The following UGT1A7 variants were observed in gnomAD, a reference collection of about 807,000 sequenced individuals.
UGT1A7 encodes UDP glucuronosyltransferase family 1 member A7.
A neutral mutation model predicts 45.6 loss-of-function variants in UGT1A7; 33 were observed. That is an observed-to-expected ratio of 0.72 (90% CI 0.55 to 0.97). The LOEUF is 0.97. UGT1A7 is among the 50% of genes least tolerant of loss of function. The pLI, the probability that UGT1A7 is intolerant of heterozygous loss-of-function variation, is 0.00. For missense variants in UGT1A7, 684 were observed against 666.2 expected (o/e 1.03, Z -0.29); for synonymous variants, 274 against 250.6 (o/e 1.09, Z -0.88).
At chr2:233,710,216 T>C (rs1250150176) in intron 1 of UGT1A7, among the ~76,000 whole-genome samples, 1 of 152,234 alleles carries the variant, frequency 6.6e-6, no homozygotes, top group Non-Finnish European at 1.5e-5. Flanking sequence ...CTATTATGAA[T>C]AAAGCTGCTA....
chr2:233,693,309 G>A (rs1394238379), intron 1 of UGT1A7: 4 of 1,614,038 alleles, frequency 2.5e-6, no homozygotes, highest in Middle Eastern at 1.6e-4. Flanking sequence ...TTTGCTGAGC[G>A]ATCATTCCTA....
At chr2:233,712,069 T>A (rs1263403804) in intron 1 of UGT1A7, among the ~76,000 whole-genome samples, 1 of 152,192 alleles carries the variant, frequency 6.6e-6, no homozygotes, top group Non-Finnish European at 1.5e-5. Flanking sequence ...ATCTTCAGGA[T>A]GAAATAAAGG....
rs1181278614 is a variant in UGT1A7 at position 233,682,018 on chromosome 2, G to C, written c.81G>C (p.Lys27Asn). ...LLTCGFAKAG[K>N]LLVVPMDGSH... ...CCTGTGGCTTTGCCAAGGCAGGGAA[G>C]CTGCTGGTAGTGCCCATGGATGGGA... The change falls in exon 1 of 5, where the codon AAG becomes AAC. Residue 27 changes from lysine to asparagine, a missense_variant. Lys to Asn is a moderately conservative substitution (Grantham distance 94). Transcript: ENST00000373426. 1.9e-6 allele frequency: 3 copies of C among 1,614,020 alleles called. No individual in the cohort carries two copies. Among genetic ancestry groups the C allele is most frequent in the East Asian group, 4.5e-5 (2 of 44,894 alleles).
rs534080873 is a variant in UGT1A7 at position 233,731,172 on chromosome 2, T to C, written c.856-35862T>C. Among the ~76,000 whole-genome samples, 21 of 152,344 alleles carry C rather than the reference T, an allele frequency of 1.4e-4. No individual in the cohort carries two copies. The South Asian group carries it at 3.1e-3, about 23-fold the overall frequency. The stretch of plus-strand genomic sequence containing the variant: ...CTTTTTGATCAAACGACATGATTTT[T>C]TTATGCAATGTAATTATTCAATTAT... On this transcript the variant is annotated intron_variant, in intron 1 of 4. Coordinates refer to ENST00000373426, the MANE Select transcript of UGT1A7 (RefSeq NM_019077.3).
intron 1 of UGT1A7, among the ~76,000 whole-genome samples, chr2:233,704,944 T>C (rs1231562726): frequency 6.6e-6 from 1 of 152,116 alleles, no homozygotes; most frequent in Non-Finnish European, 1.5e-5. Flanking sequence ...AAGACCAGCC[T>C]GGCCAACATG....
Position 233,712,979 on chromosome 2 carries a change from G to A in UGT1A7, c.855+30187G>A, listed in dbSNP as rs45540735. The A allele has an allele frequency of 3.7e-5, 59 of 1,613,170 alleles. 1 individual carries two copies. In the East Asian group the frequency reaches 7.8e-4, roughly 21 times the overall value. On this transcript the variant is annotated intron_variant, in intron 1 of 4. Transcript: ENST00000373426. Reference sequence around the variant, plus strand: ...GTGGGGTGGACAGTCAGCTGTCGGTGGCTTCTGCTGAGATGGCCACAGGAC... The same window carrying A: ...GTGGGGTGGACAGTCAGCTGTCGGTAGCTTCTGCTGAGATGGCCACAGGAC...
At position 233,724,532 on chromosome 2, in the gene UGT1A7, G is replaced by A. The variant is rs1443471428; in HGVS notation, c.855+41740G>A. On this transcript the variant is annotated intron_variant, in intron 1 of 4. Transcript: ENST00000373426. ...CTCACCTCCCAGATGGGGTCTCGCCGGGCAGAGGCGCTCCTCACATCCCAG... is the reference window on the plus strand; with the variant it reads ...CTCACCTCCCAGATGGGGTCTCGCCAGGCAGAGGCGCTCCTCACATCCCAG... Among the ~76,000 whole-genome samples the A allele has an allele frequency of 4.9e-5, 6 of 123,286 alleles. No individual in the cohort carries two copies. In the East Asian group the frequency reaches 7.5e-4, roughly 15 times the overall value. 80.9% of individuals were successfully genotyped at this position (123,286 alleles called of 152,430 possible). A position where few individuals can be genotyped will look rare whatever the true frequency, so the allele number is the denominator to read the frequency against.
intron 1 of UGT1A7, among the ~76,000 whole-genome samples, chr2:233,751,879 G>A (rs1331680632): frequency 6.6e-6 from 1 of 152,148 alleles, no homozygotes; most frequent in Non-Finnish European, 1.5e-5. Context: ...CCCGTCTTGG[G>A]TATGTCTTTA....
rs1171527500 is a variant in UGT1A7, at chr2:233,760,898, T to C, written c.856-6136T>C. 2 of 1,613,998 alleles carry C rather than the reference T, an allele frequency of 1.2e-6. No homozygotes were observed. Among genetic ancestry groups the C allele is most frequent in the Non-Finnish European group, 1.7e-6 (2 of 1,180,014 alleles). On this transcript the variant is annotated intron_variant, in intron 1 of 4. Transcript: ENST00000373426. ...CCTCTCTCCTCTCATTCAGATCACA[T>C]GACCTTCCTGCAGCGGGTGAAGAAC...
At position 233,743,506 on chromosome 2, in the gene UGT1A7, G is replaced by A. The variant is rs185061073; in HGVS notation, c.856-23528G>A. ...ACTGAAGGCAGAGAAAAGGGGTGCA[G>A]ACGCTCTGCTTCTGCTTCCCCAGCA... On this transcript the variant is annotated intron_variant, in intron 1 of 4. Transcript: ENST00000373426. 5.9e-6 allele frequency: 8 copies of A among 1,367,240 alleles called. No individual in the cohort carries two copies. The Admixed American group carries it at 1.1e-4, about 20-fold the overall frequency. The allele number at this position is 1,367,240 out of a possible 1,614,324, so 84.7% of individuals were successfully genotyped here. A position where few individuals can be genotyped will look rare whatever the true frequency, so the allele number is the denominator to read the frequency against.
intron 1 of UGT1A7, among the ~76,000 whole-genome samples, chr2:233,697,933 GA>G (rs1406564471): frequency 6.6e-6 from 1 of 152,062 alleles, no homozygotes; most frequent in Non-Finnish European, 1.5e-5. Flanking sequence ...TAGGGTATTG[GA>G]AAAAAGTAAA....
At chr2:233,754,678 C>A (rs1419838969) in intron 1 of UGT1A7, 1 of 475,568 alleles carries the variant, frequency 2.1e-6, no homozygotes, top group Non-Finnish European at 4.1e-6. Context: ...TTTTTACCAT[C>A]AACTATTTCA....
chr2:233,747,319 A>G (rs867833419), intron 1 of UGT1A7: 39 of 1,603,648 alleles, frequency 2.4e-5, no homozygotes, highest in Middle Eastern at 3.3e-4. Context: ...GGTGGTACCC[A>G]TTGATGGCAG....
chr2:233,743,440 G>C (rs192671736), intron 1 of UGT1A7: 1 of 1,361,822 alleles, frequency 7.3e-7, no homozygotes, highest in South Asian at 1.1e-5. Context: ...ACGAAATCCT[G>C]TATCAAAAGA....
intron 4 of UGT1A7, chr2:233,770,377 G>C (rs1211488828): frequency 6.6e-6 from 1 of 152,200 alleles, no homozygotes; most frequent in African/African-American, 2.4e-5. Flanking sequence ...GTTCTGGCCA[G>C]GTACGGTGGC....
At chr2:233,721,428 G>A (rs2076944672) in intron 1 of UGT1A7, 1 of 157,010 alleles carries the variant, frequency 6.4e-6, no homozygotes, top group South Asian at 1.9e-4. Flanking sequence ...TAAGCATTGT[G>A]GTTTTAATGT....
intron 1 of UGT1A7, among the ~76,000 whole-genome samples, chr2:233,710,956 G>C (rs953635431): frequency 6.6e-6 from 1 of 152,214 alleles, no homozygotes. Context: ...ATGTCTCTGA[G>C]ATTGGCAGAG....
intron 1 of UGT1A7, among the ~76,000 whole-genome samples, chr2:233,685,905 A>G (rs902693787): frequency 6.6e-6 from 1 of 152,240 alleles, no homozygotes; most frequent in Non-Finnish European, 1.5e-5. Flanking sequence ...CTCATTTTCA[A>G]TCCATCATTA....
chr2:233,767,095 C>T lies in UGT1A7; in HGVS notation c.917C>T (p.Ser306Leu), dbSNP rs1301476253. The T allele has an allele frequency of 6.2e-7, 1 of 1,614,096 alleles. No homozygotes were observed. The highest frequency in any genetic ancestry group is 1.7e-5 in the Admixed American group (1 of 60,026). ...EHGIVVFSLG[S>L]MVSEIPEKKA... Reference sequence around the variant, plus strand: ...GGAATTGTGGTTTTCTCTTTGGGATCAATGGTCTCAGAAATTCCAGAGAAG... The same window carrying T: ...GGAATTGTGGTTTTCTCTTTGGGATTAATGGTCTCAGAAATTCCAGAGAAG... Residue 306 changes from serine (S) to leucine (L), a missense_variant, in exon 2 of 5, where the codon TCA (serine) becomes TTA (leucine). By Grantham distance (145) the Ser-to-Leu change is moderately radical (BLOSUM62 -2). Coordinates refer to ENST00000373426, the MANE Select transcript of UGT1A7 (RefSeq NM_019077.3).
Sources: gnomAD v4.1 joint callset for allele counts (sites outside exome capture counted in the v4.1 genomes callset) on GRCh38, gnomAD v4.1.1 for gene constraint, MANE v1.5 for transcripts, NCBI Gene and HGNC (gene_info 2026-07-23, HGNC 2026-07-21) for gene names.